Variants in SHISA9 observed in about 807,000 individuals in gnomAD.
SHISA9 encodes protein shisa-9.
A neutral mutation model predicts 38.0 loss-of-function variants in SHISA9; 13 were observed. That is an observed-to-expected ratio of 0.34 (90% CI 0.22 to 0.54). The LOEUF is 0.54. SHISA9 is among the 20% of genes least tolerant of loss of function. SHISA9 has a pLI of 0.91. For synonymous variants in SHISA9, 275 were observed against 242.0 expected (o/e 1.14, Z -1.27); for missense variants, 538 against 575.8 (o/e 0.93, Z 0.67).
At chr16:13,180,342 G>T (rs1425999195) in intron 2 of SHISA9, among the ~76,000 whole-genome samples, 1 of 152,192 alleles carries the variant, frequency 6.6e-6, no homozygotes, top group Admixed American at 6.5e-5. Flanking sequence ...TGGACCAGGG[G>T]TGCAGGACAC....
intron 2 of SHISA9, among the ~76,000 whole-genome samples, chr16:13,119,643 C>T (rs979650106): frequency 2.0e-5 from 3 of 152,142 alleles, no homozygotes; most frequent in African/African-American, 7.2e-5. Context: ...CTTTATAGTA[C>T]CTCCCAAAAG....
chr16:13,091,611 T>C (rs2073775944), intron 2 of SHISA9, among the ~76,000 whole-genome samples: 1 of 152,232 alleles, frequency 6.6e-6, no homozygotes, highest in Non-Finnish European at 1.5e-5. Flanking sequence ...AGCTTGTGCA[T>C]GTGTCACGAA....
rs532111853 is a variant in SHISA9, at chr16:13,207,475, A to G, written c.847+3926A>G. ...GAGCTTGTCTTTGACAAGAATAAAA[A>G]AAAAAGGAATAGCTTGGTTGTAAGG... On this transcript the variant is annotated intron_variant, in intron 3 of 4. Transcript: ENST00000558583. Among the ~76,000 whole-genome samples, 4 of 152,202 alleles carry G rather than the reference A, an allele frequency of 2.6e-5. No individual in the cohort carries two copies. The South Asian group carries it at 8.3e-4, about 32-fold the overall frequency.
intron 2 of SHISA9, among the ~76,000 whole-genome samples, chr16:13,092,892 A>G (rs2073789758): frequency 1.3e-5 from 2 of 152,084 alleles, no homozygotes; most frequent in African/African-American, 4.8e-5. Context: ...GAAATCACCC[A>G]TCTTCTGCGT....
At chr16:13,133,625 C>G (rs1362445618) in intron 2 of SHISA9, among the ~76,000 whole-genome samples, 1 of 152,182 alleles carries the variant, frequency 6.6e-6, no homozygotes, top group Non-Finnish European at 1.5e-5. Flanking sequence ...TGCCAGTCCC[C>G]TCCAGCTGGG....
chr16:13,335,722 A>G, the SHISA9 span, among the ~76,000 whole-genome samples: 1 of 152,008 alleles, frequency 6.6e-6, no homozygotes, highest in Non-Finnish European at 1.5e-5. Context: ...AGAGCCTTTG[A>G]TGCTCTGTGT....
the SHISA9 span, among the ~76,000 whole-genome samples, chr16:13,365,161 G>A: frequency 6.6e-6 from 1 of 152,142 alleles, no homozygotes; most frequent in South Asian, 2.1e-4. Context: ...ACTGGGGAAG[G>A]CCCTAGCATC....
At chr16:13,000,077 G>T (rs1363389790) in intron 2 of SHISA9, among the ~76,000 whole-genome samples, 1 of 151,990 alleles carries the variant, frequency 6.6e-6, no homozygotes, top group Non-Finnish European at 1.5e-5. Context: ...TCTTTTTTAC[G>T]CATAAGTGTC....
intron 2 of SHISA9, among the ~76,000 whole-genome samples, chr16:12,983,569 A>G (rs901502763): frequency 6.6e-5 from 10 of 152,142 alleles, no homozygotes; most frequent in Non-Finnish European, 1.3e-4. Context: ...GCTCACTGCA[A>G]GCTCTGCCTC....
rs569654651 is a variant in SHISA9 at position 13,097,229 on chromosome 16, G to C, written c.692-106165G>C. Among the ~76,000 whole-genome samples the C allele has an allele frequency of 3.3e-5, 5 of 152,194 alleles. No homozygotes were observed. In the East Asian group the frequency reaches 9.7e-4, roughly 29 times the overall value. On this transcript the variant is annotated intron_variant, in intron 2 of 4. Transcript: ENST00000558583. ...CCTTCATGTTACATTGGGAGGAATTGAGGCCCAGGGAAGGGAAGGGAATTT... is the reference window on the plus strand; with the variant it reads ...CCTTCATGTTACATTGGGAGGAATTCAGGCCCAGGGAAGGGAAGGGAATTT...
chr16:13,118,026 A>G (rs2074047615), intron 2 of SHISA9, among the ~76,000 whole-genome samples: 1 of 152,072 alleles, frequency 6.6e-6, no homozygotes, highest in South Asian at 2.1e-4. Flanking sequence ...TACTAAAAAT[A>G]CAAAAACTAG....
At chr16:13,033,156 C>T (rs1324666434) in intron 2 of SHISA9, among the ~76,000 whole-genome samples, 5 of 152,166 alleles carry the variant, frequency 3.3e-5, no homozygotes, top group Non-Finnish European at 7.3e-5. Context: ...TTAGCCGGCT[C>T]TAACTGCATT....
At chr16:13,254,381 A>G in the SHISA9 span, among the ~76,000 whole-genome samples, 2 of 152,216 alleles carry the variant, frequency 1.3e-5, no homozygotes, top group African/African-American at 4.8e-5. Flanking sequence ...ACCACTTGTC[A>G]CTGCTTCCAG....
the SHISA9 span, among the ~76,000 whole-genome samples, chr16:13,508,010 C>A: frequency 1.3e-5 from 2 of 152,210 alleles, no homozygotes; most frequent in Non-Finnish European, 2.9e-5. Flanking sequence ...CTGGTTCCCA[C>A]TTCTCCATGG....
chr16:13,414,065 T>C, the SHISA9 span, among the ~76,000 whole-genome samples: 1 of 152,226 alleles, frequency 6.6e-6, no homozygotes, highest in East Asian at 1.9e-4. Flanking sequence ...TAAGTCCTTC[T>C]GATGGTCTTT....
chr16:13,240,424 G>A (rs992160167), downstream of SHISA9: 1 of 152,160 alleles, frequency 6.6e-6, no homozygotes, highest in Non-Finnish European at 1.5e-5. Context: ...TGAGGCTGTT[G>A]GGATTGTCAT....
the SHISA9 span, among the ~76,000 whole-genome samples, chr16:13,390,581 A>T: frequency 2.0e-5 from 3 of 152,156 alleles, no homozygotes; most frequent in African/African-American, 7.2e-5. Flanking sequence ...GTTTAAGAGC[A>T]CGTTTAAGAT....
the SHISA9 span, among the ~76,000 whole-genome samples, chr16:13,507,711 A>G: frequency 5.3e-5 from 8 of 152,306 alleles, no homozygotes; most frequent in Admixed American, 6.5e-5. Context: ...AGACAGTTGT[A>G]CAGAGACTGC....
At chr16:13,196,848 C>G (rs2050948324) in intron 2 of SHISA9, among the ~76,000 whole-genome samples, 1 of 152,160 alleles carries the variant, frequency 6.6e-6, no homozygotes. Context: ...AATCCCAGCA[C>G]TTTGGGAGAC....
Sources: allele counts gnomAD v4.1 joint callset (sites outside exome capture counted in the v4.1 genomes callset), GRCh38; gene constraint gnomAD v4.1.1; transcripts MANE v1.5; gene names NCBI Gene and HGNC (gene_info 2026-07-23, HGNC 2026-07-21).